The following COP1 variants were observed in gnomAD, a reference collection of about 807,000 sequenced individuals.
COP1 encodes the protein E3 ubiquitin-protein ligase COP1.
Under a neutral mutation model 101.3 loss-of-function variants are expected in COP1, and 24 were observed. That is an observed-to-expected ratio of 0.24 (90% CI 0.17 to 0.33). The LOEUF (loss-of-function observed/expected upper bound fraction) is 0.33, where lower values mean the gene tolerates loss of function less well. Ranked by LOEUF, COP1 falls within the 10% of genes least tolerant of loss-of-function variation. The pLI is 1.00. For missense variants in COP1, 663 were observed against 906.2 expected, an observed-to-expected ratio of 0.73 and a Z score of 3.45; for synonymous variants, 347 against 341.9, an observed-to-expected ratio of 1.01 and a Z score of -0.17.
At chr1:176,171,827 CTA>C (rs900959646) in intron 3 of COP1, among the ~76,000 whole-genome samples, 2 of 152,186 alleles carry the variant, frequency 1.3e-5, no homozygotes, top group Admixed American at 1.3e-4. Context: ...AAGGATAAAA[CTA>C]TGTGTGTGAT....
chr1:176,105,015 TTAAA>T lies in COP1; in HGVS notation c.1026+11605_1026+11608del, dbSNP rs199724444. On this transcript the variant is annotated intron_variant, in intron 9 of 19. Coordinates refer to ENST00000367669, the MANE Select transcript of COP1 (RefSeq NM_022457.7). ...ATAGAGTTACCTTCCTCATAAATTG[TTAAA>T]TAAAGTACAGAAAAAAAATTACTAG... 3.7e-4 allele frequency among the ~76,000 whole-genome samples: 57 copies of T among 152,304 alleles called. No homozygotes were observed. The East Asian group carries it at 7.5e-3, about 20-fold the overall frequency.
At chr1:176,003,853 T>C (rs1407185199) in intron 15 of COP1, among the ~76,000 whole-genome samples, 2 of 152,138 alleles carry the variant, frequency 1.3e-5, no homozygotes, top group Non-Finnish European at 2.9e-5. Flanking sequence ...TGGTTCCATA[T>C]GAACTTGAAA....
chr1:175,986,860 T>C lies in COP1; in HGVS notation c.2133+83A>G, dbSNP rs60964243. ...AAAGTACATACCACATACCAATTTA[T>C]ATTTTAAAATTTAATCAAACCCTGT... On this transcript the variant is annotated intron_variant, in intron 18 of 19. Transcript: ENST00000367669. The C allele has an allele frequency of 0.12, 131,593 of 1,103,876 alleles. 8,521 individuals carry two copies. Among genetic ancestry groups the C allele is most frequent in the Middle Eastern group, 0.18 (851 of 4,726 alleles). 68.4% of individuals were successfully genotyped at this position (1,103,876 alleles called of 1,614,324 possible).
chr1:176,182,765 T>C lies in COP1; in HGVS notation c.467+1868A>G, dbSNP rs146313356. Among the ~76,000 whole-genome samples, 397 of 152,308 alleles carry C rather than the reference T, an allele frequency of 2.6e-3. 3 individuals are homozygous for C. Among genetic ancestry groups the C allele is most frequent in the African/African-American group, 9.1e-3 (379 of 41,562 alleles). ...GCCAAGACCATACCTGTATCAGCCC[T>C]GAAGCAAGACCCACATGTCCAGAAT... On this transcript the variant is annotated intron_variant, in intron 2 of 19. Transcript: ENST00000367669.
At chr1:176,110,481 A>C (rs1449723250) in intron 9 of COP1, among the ~76,000 whole-genome samples, 2 of 152,342 alleles carry the variant, frequency 1.3e-5, no homozygotes, top group Non-Finnish European at 1.5e-5. Context: ...TCGTAGACAT[A>C]TCTCTGCTTC....
At chr1:176,015,373 A>G (rs868732138) in intron 15 of COP1, among the ~76,000 whole-genome samples, 11 of 152,074 alleles carry the variant, frequency 7.2e-5, no homozygotes, top group Non-Finnish European at 7.3e-5. Flanking sequence ...TGCAGTTTGC[A>G]GAGTCCAATT....
intron 1 of COP1, among the ~76,000 whole-genome samples, chr1:176,201,972 A>C (rs1039783733): frequency 6.6e-6 from 1 of 152,188 alleles, no homozygotes; most frequent in Non-Finnish European, 1.5e-5. Context: ...TCTTTAAATT[A>C]TATTTAGTCC....
At chr1:176,054,853 C>A (rs1179146172) in intron 11 of COP1, among the ~76,000 whole-genome samples, 2 of 152,102 alleles carry the variant, frequency 1.3e-5, no homozygotes, top group African/African-American at 4.8e-5. Flanking sequence ...TTCCTAATAC[C>A]ATAACTTTAC....
At chr1:176,123,026 G>T (rs928868153) in intron 8 of COP1, among the ~76,000 whole-genome samples, 1 of 152,146 alleles carries the variant, frequency 6.6e-6, no homozygotes, top group African/African-American at 2.4e-5. Flanking sequence ...ATTACACAAC[G>T]TGGTTTATTT....
chr1:176,186,371 A>G (rs1419560845), intron 1 of COP1, among the ~76,000 whole-genome samples: 1 of 151,898 alleles, frequency 6.6e-6, no homozygotes, highest in Non-Finnish European at 1.5e-5. Flanking sequence ...AAAAACACAA[A>G]AACTAGCAAG....
At chr1:175,955,554 CAA>C (rs1650521870) in intron 18 of COP1, among the ~76,000 whole-genome samples, 1 of 151,990 alleles carries the variant, frequency 6.6e-6, no homozygotes, top group Non-Finnish European at 1.5e-5. Context: ...TCTTCATTTG[CAA>C]AAGAGATGAT....
rs758723658 is a variant in COP1 at position 176,163,005 on chromosome 1, A to G, written c.643-17T>C. 3 of 1,589,382 alleles carry G rather than the reference A, an allele frequency of 1.9e-6. No homozygotes were observed. The highest frequency in any genetic ancestry group is 1.8e-5 in the Admixed American group (1 of 54,578). On this transcript the variant is annotated splice_polypyrimidine_tract_variant and intron_variant, in intron 4 of 19. Coordinates refer to ENST00000367669, the MANE Select transcript of COP1 (RefSeq NM_022457.7). The stretch of plus-strand genomic sequence containing the variant: ...GTGGCCATTCTAAAAATGAAGAAAG[A>G]AGAAACACAACAACTTCCTATGAAG...
chr1:176,070,563 G>C (rs1676808144), intron 11 of COP1, among the ~76,000 whole-genome samples: 1 of 152,098 alleles, frequency 6.6e-6, no homozygotes, highest in Non-Finnish European at 1.5e-5. Context: ...TCGGGAGGCT[G>C]AGGCAGGAGA....
Position 176,085,881 on chromosome 1 carries a change from GTTTC to G in COP1, c.1032_1035del (p.Lys344AsnfsTer9). 1 of 1,578,990 alleles carries G rather than the reference GTTTC, an allele frequency of 6.3e-7. No individual in the cohort carries two copies. Among genetic ancestry groups the G allele is most frequent in the East Asian group, 2.3e-5 (1 of 44,436 alleles). On this transcript the variant is annotated frameshift_variant, in exon 10 of 20. Transcript: ENST00000367669. LOFTEE classifies it high-confidence loss of function. Reference sequence around the variant, plus strand: ...GCTAACGTGCTATTATACCAAGGCTGTTTCTTTGTCTAAAATAATAAGAAAAGAC... The same window carrying G: ...GCTAACGTGCTATTATACCAAGGCTGTTTGTCTAAAATAATAAGAAAAGAC...
In COP1 at chr1:176,043,277, G is replaced by A. The variant is rs570306075; in HGVS notation, c.1531-10C>T. 67 of 1,563,592 alleles carry A rather than the reference G, an allele frequency of 4.3e-5. No homozygotes were observed. The East Asian group carries it at 1.4e-3, about 33-fold the overall frequency. On this transcript the variant is annotated splice_polypyrimidine_tract_variant and intron_variant, in intron 13 of 19. Transcript: ENST00000367669. ...ACCTCTTCTCATGCTCCTGGAAGCAGAAAGAAGACAGTAGCCTCAGATAGA... is the reference window on the plus strand; with the variant it reads ...ACCTCTTCTCATGCTCCTGGAAGCAAAAAGAAGACAGTAGCCTCAGATAGA...
At chr1:176,046,892 A>AT (rs1482414073) in intron 11 of COP1, among the ~76,000 whole-genome samples, 1 of 152,054 alleles carries the variant, frequency 6.6e-6, no homozygotes, top group Admixed American at 6.6e-5. Flanking sequence ...CCCTCCCCAA[A>AT]TATCTCTCTG....
chr1:176,072,642 T>C (rs955031618), intron 11 of COP1, among the ~76,000 whole-genome samples: 1 of 152,212 alleles, frequency 6.6e-6, no homozygotes, highest in Non-Finnish European at 1.5e-5. Context: ...TCTAGAGATG[T>C]CTTTTTAAGT....
At chr1:176,009,881 G>T (rs1024703227) in intron 15 of COP1, among the ~76,000 whole-genome samples, 1 of 142,690 alleles carries the variant, frequency 7.0e-6, no homozygotes, top group South Asian at 2.4e-4. Flanking sequence ...GTTACTTGGG[G>T]GGGGGGGGTC....
intron 15 of COP1, among the ~76,000 whole-genome samples, chr1:175,992,559 C>G (rs1033255371): frequency 6.6e-6 from 1 of 152,186 alleles, no homozygotes; most frequent in South Asian, 2.1e-4. Flanking sequence ...TGCGCTTTAC[C>G]GACAGGCTTA....
Sources: gnomAD v4.1 joint callset for allele counts (sites outside exome capture counted in the v4.1 genomes callset) on GRCh38, gnomAD v4.1.1 for gene constraint, MANE v1.5 for transcripts, NCBI Gene and HGNC (gene_info 2026-07-23, HGNC 2026-07-21) for gene names.